The following C12orf42 variants were observed in gnomAD, a reference collection of about 807,000 sequenced individuals.
The protein encoded by C12orf42 is uncharacterized protein C12orf42.
In C12orf42, 25 loss-of-function variants were observed where a neutral mutation model predicts 21.6. The observed-to-expected ratio is 1.16, with a 90% CI of 0.84 to 1.62. The LOEUF (loss-of-function observed/expected upper bound fraction) is 1.62, where lower values mean the gene tolerates loss of function less well. C12orf42 is among the 40% of genes most tolerant of loss of function. The pLI, the probability that C12orf42 is intolerant of heterozygous loss-of-function variation, is 0.00. For missense variants in C12orf42, 483 were observed against 459.3 expected (o/e 1.05, Z -0.47); for synonymous variants, 174 against 175.0 (o/e 0.99, Z 0.05).
At chr12:103,414,738 T>G (rs564916824) in intron 2 of C12orf42, among the ~76,000 whole-genome samples, 1 of 152,322 alleles carries the variant, frequency 6.6e-6, no homozygotes, top group Admixed American at 6.5e-5. Flanking sequence ...TTTTATACAT[T>G]AACTTTGCAT....
chr12:103,236,675 C>T (rs2033476680), downstream of C12orf42, among the ~76,000 whole-genome samples: 1 of 151,708 alleles, frequency 6.6e-6, no homozygotes, highest in Admixed American at 6.6e-5. Flanking sequence ...TACAATGGGC[C>T]CCCTCTGTCA....
chr12:103,442,790 G>GTAAA (rs1951335458), intron 2 of C12orf42, among the ~76,000 whole-genome samples: 1 of 152,020 alleles, frequency 6.6e-6, no homozygotes, highest in African/African-American at 2.4e-5. Flanking sequence ...AAAGAAAAGA[G>GTAAA]TAAATGAATG....
At chr12:103,464,146 C>T (rs1055421706) in intron 2 of C12orf42, among the ~76,000 whole-genome samples, 1 of 152,174 alleles carries the variant, frequency 6.6e-6, no homozygotes, top group African/African-American at 2.4e-5. Flanking sequence ...TGAGGAATCA[C>T]CACACTGTCT....
intron 2 of C12orf42, among the ~76,000 whole-genome samples, chr12:103,426,166 G>A (rs1443712153): frequency 6.6e-6 from 1 of 152,120 alleles, no homozygotes; most frequent in African/African-American, 2.4e-5. Flanking sequence ...ACTCCTCCGA[G>A]CTAAAGGAGC....
the C12orf42 span, among the ~76,000 whole-genome samples, chr12:103,083,709 T>C: frequency 2.9e-4 from 44 of 152,222 alleles, 1 homozygote; most frequent in Non-Finnish European, 1.0e-4. Context: ...CTTCTGTGGC[T>C]TTCAGCAAAC....
intron 4 of C12orf42, among the ~76,000 whole-genome samples, chr12:103,318,845 G>C (rs1019565442): frequency 1.5e-5 from 1 of 65,182 alleles, no homozygotes; most frequent in Non-Finnish European, 2.7e-5. Flanking sequence ...CAATTCAACT[G>C]GCCATGCCCC....
At chr12:103,312,116 A>C (rs977634929) in intron 4 of C12orf42, among the ~76,000 whole-genome samples, 1 of 152,124 alleles carries the variant, frequency 6.6e-6, no homozygotes, top group Non-Finnish European at 1.5e-5. Flanking sequence ...CCTCACAAAA[A>C]CTCTCTGGCT....
At chr12:103,128,385 G>C in the C12orf42 span, among the ~76,000 whole-genome samples, 15 of 152,190 alleles carry the variant, frequency 9.9e-5, no homozygotes, top group African/African-American at 3.4e-4. Context: ...CCATTATATG[G>C]GGGGAGGGGG....
intron 2 of C12orf42, among the ~76,000 whole-genome samples, chr12:103,425,181 T>C (rs1472922989): frequency 6.6e-6 from 1 of 152,134 alleles, no homozygotes; most frequent in Admixed American, 6.5e-5. Flanking sequence ...AGGCAGAAGC[T>C]CCAGTCAGGG....
the C12orf42 span, among the ~76,000 whole-genome samples, chr12:103,063,981 G>T: frequency 1.3e-5 from 2 of 152,130 alleles, no homozygotes; most frequent in Non-Finnish European, 2.9e-5. Flanking sequence ...TATTTGCTTG[G>T]TTAGCTGAAA....
chr12:103,090,672 A>G, the C12orf42 span, among the ~76,000 whole-genome samples: 1 of 152,160 alleles, frequency 6.6e-6, no homozygotes, highest in Non-Finnish European at 1.5e-5. Flanking sequence ...CTTTGGAGAT[A>G]GGCTTTAGGG....
the C12orf42 span, among the ~76,000 whole-genome samples, chr12:103,511,672 A>T: frequency 2.0e-5 from 3 of 152,178 alleles, no homozygotes; most frequent in African/African-American, 7.2e-5. Context: ...TCTTGAAAAA[A>T]TAAAGTAGAA....
intron 3 of C12orf42, among the ~76,000 whole-genome samples, chr12:103,375,497 T>C (rs148818607): frequency 2.6e-4 from 40 of 152,300 alleles, no homozygotes; most frequent in African/African-American, 8.4e-4. Context: ...GTATAACTTA[T>C]AATGACCTAG....
chr12:103,474,064 C>A (rs748470461), intron 2 of C12orf42, among the ~76,000 whole-genome samples: 11 of 152,068 alleles, frequency 7.2e-5, no homozygotes, highest in Non-Finnish European at 1.5e-4. Flanking sequence ...CATCCACCAC[C>A]CCATCCCATG....
At chr12:103,532,759 G>A in the C12orf42 span, among the ~76,000 whole-genome samples, 1 of 152,128 alleles carries the variant, frequency 6.6e-6, no homozygotes, top group Non-Finnish European at 1.5e-5. Context: ...ATTACCATTA[G>A]TATATGTGAC....
intron 3 of C12orf42, among the ~76,000 whole-genome samples, chr12:103,376,797 G>A (rs2045737954): frequency 6.6e-6 from 1 of 152,068 alleles, no homozygotes; most frequent in African/African-American, 2.4e-5. Context: ...ACTCGAGCAA[G>A]CCATATCAAT....
the C12orf42 span, among the ~76,000 whole-genome samples, chr12:103,541,922 G>C: frequency 6.6e-6 from 1 of 151,674 alleles, no homozygotes; most frequent in Non-Finnish European, 1.5e-5. Context: ...AGTCAGGCAT[G>C]GCCCATTCCA....
chr12:103,468,606 G>A (rs772738882), intron 2 of C12orf42, among the ~76,000 whole-genome samples: 5 of 152,002 alleles, frequency 3.3e-5, no homozygotes, highest in Non-Finnish European at 7.4e-5. Context: ...CCCATTCTTG[G>A]TGTTTAACAG....
At chr12:103,214,182 A>G in the C12orf42 span, among the ~76,000 whole-genome samples, 1 of 152,218 alleles carries the variant, frequency 6.6e-6, no homozygotes, top group Non-Finnish European at 1.5e-5. Context: ...TAATTACACT[A>G]TAGCTTCCAT....
Sources: gnomAD v4.1 joint callset for allele counts (sites outside exome capture counted in the v4.1 genomes callset) on GRCh38, gnomAD v4.1.1 for gene constraint, MANE v1.5 for transcripts, NCBI Gene and HGNC (gene_info 2026-07-23, HGNC 2026-07-21) for gene names.